Variants in ANO5 observed in about 807,000 individuals in gnomAD.
The protein encoded by ANO5 is anoctamin 5.
Under a neutral mutation model 121.0 loss-of-function variants are expected in ANO5, and 109 were observed. That is an observed-to-expected ratio of 0.90 (90% CI 0.77 to 1.06). The LOEUF (loss-of-function observed/expected upper bound fraction) is 1.06, where lower values mean the gene tolerates loss of function less well. Among genes scored for constraint, ANO5 ranks in the 50% least tolerant of loss-of-function variants. The pLI is 0.00. For synonymous variants in ANO5, 406 were observed against 359.9 expected (o/e 1.13, Z -1.45); for missense variants, 1,064 against 1,078.5 (o/e 0.99, Z 0.19).
intron 12 of ANO5, among the ~76,000 whole-genome samples, chr11:22,251,719 T>C (rs1264164726): frequency 6.6e-6 from 1 of 151,930 alleles, no homozygotes; most frequent in Non-Finnish European, 1.5e-5. Context: ...AACACAAATA[T>C]ATGCCATTCA....
chr11:22,279,704 A>T lies in ANO5; in HGVS notation c.2681A>T (p.Glu894Val). The change falls in exon 22 of 22, where the codon GAA becomes GTA. Residue 894 changes from glutamate (E) to valine (V), a missense_variant. Transcript: ENST00000324559. ...LKENLGINSNEFAKHVMIEEN... is the reference protein window; with the variant it reads ...LKENLGINSNVFAKHVMIEEN... Reference sequence around the variant, plus strand: ...GAGAACTTGGGAATTAATTCTAATGAATTTGCCAAGCATGTCATGATTGAG... The same window carrying T: ...GAGAACTTGGGAATTAATTCTAATGTATTTGCCAAGCATGTCATGATTGAG... 5 of 1,612,890 alleles carry T rather than the reference A, an allele frequency of 3.1e-6. No homozygotes were observed. The highest frequency in any genetic ancestry group is 4.2e-6 in the Non-Finnish European group (5 of 1,179,176).
intron 2 of ANO5, among the ~76,000 whole-genome samples, chr11:22,207,799 A>G (rs1262345338): frequency 1.3e-5 from 2 of 152,064 alleles, no homozygotes; most frequent in African/African-American, 4.8e-5. Context: ...ACTTGTATCT[A>G]TGATTTATAA....
At chr11:22,228,955 C>A (rs1234831452) in intron 7 of ANO5, among the ~76,000 whole-genome samples, 1 of 151,910 alleles carries the variant, frequency 6.6e-6, no homozygotes, top group African/African-American at 2.4e-5. Flanking sequence ...TGGCAGATAT[C>A]TCTTAGACAT....
At position 22,273,104 on chromosome 11, in the gene ANO5, A is replaced by G. The variant is rs1361658014; in HGVS notation, c.2235+115A>G. The G allele has an allele frequency of 4.3e-6, 5 of 1,152,480 alleles. No individual in the cohort carries two copies. In the African/African-American group the frequency reaches 6.1e-5, roughly 14 times the overall value. The allele number at this position is 1,152,480 out of a possible 1,614,324, so 71.4% of individuals were successfully genotyped here. ...CATTATGGTGATACTTTATAAAGCT[A>G]AAACATTCCGAAATTGTTATGCGCT... is the stretch of plus-strand genomic sequence containing the variant. On this transcript the variant is annotated intron_variant, in intron 19 of 21. Coordinates refer to ENST00000324559, the MANE Select transcript of ANO5 (RefSeq NM_213599.3).
At chr11:22,200,453 C>T (rs1851932976) in intron 1 of ANO5, among the ~76,000 whole-genome samples, 1 of 152,166 alleles carries the variant, frequency 6.6e-6, no homozygotes, top group South Asian at 2.1e-4. Flanking sequence ...TTCATGCATT[C>T]TTCCTGTTTC....
rs181679763 is a variant in ANO5, at chr11:22,223,608, C to G, written c.295-2376C>G. On this transcript the variant is annotated intron_variant, in intron 5 of 21. Transcript: ENST00000324559. ...GAGTGGAGGGAACTCTTCAGAAAAGCAAGTCCCAGACACTAGGACCAACCT... is the reference window on the plus strand; with the variant it reads ...GAGTGGAGGGAACTCTTCAGAAAAGGAAGTCCCAGACACTAGGACCAACCT... Among the ~76,000 whole-genome samples the G allele has an allele frequency of 5.6e-4, 85 of 152,074 alleles. 1 individual carries two copies. Among genetic ancestry groups the G allele is most frequent in the Admixed American group, 1.0e-3 (16 of 15,258 alleles).
At chr11:22,252,792 T>G (rs1242284891) in intron 12 of ANO5, among the ~76,000 whole-genome samples, 2 of 152,266 alleles carry the variant, frequency 1.3e-5, no homozygotes, top group East Asian at 1.9e-4. Flanking sequence ...ATTTCAGAAA[T>G]TTAATGATTT....
At chr11:22,242,417 T>G (rs1016764802) in intron 9 of ANO5, among the ~76,000 whole-genome samples, 1 of 152,150 alleles carries the variant, frequency 6.6e-6, no homozygotes, top group Non-Finnish European at 1.5e-5. Flanking sequence ...TAGCTTTTTC[T>G]AATTCTGTGA....
At chr11:22,206,575 A>G (rs943563397) in intron 2 of ANO5, among the ~76,000 whole-genome samples, 21 of 152,084 alleles carry the variant, frequency 1.4e-4, no homozygotes, top group Non-Finnish European at 2.6e-4. Flanking sequence ...TGGCCTCCCT[A>G]GGTGCTGAGA....
At chr11:22,253,114 A>G (rs567703916) in intron 12 of ANO5, among the ~76,000 whole-genome samples, 1 of 152,298 alleles carries the variant, frequency 6.6e-6, no homozygotes, top group East Asian at 1.9e-4. Context: ...CTTCTTAAAA[A>G]TGAAAAAGGT....
In ANO5 at chr11:22,274,760, T is replaced by C. The variant is rs754152187; in HGVS notation, c.2414+13T>C. ...TCATCACTTGCAGGTGATTTGTTTGTTTGTTTGTTTAGGTTTTAGTTTTAT... is the reference window on the plus strand; with the variant it reads ...TCATCACTTGCAGGTGATTTGTTTGCTTGTTTGTTTAGGTTTTAGTTTTAT... On this transcript the variant is annotated intron_variant, in intron 20 of 21. Transcript: ENST00000324559. 9.9e-6 allele frequency: 16 copies of C among 1,612,470 alleles called. No individual in the cohort carries two copies. In the East Asian group the frequency reaches 3.1e-4, roughly 31 times the overall value.
intron 1 of ANO5, among the ~76,000 whole-genome samples, chr11:22,193,773 C>G (rs115681635): frequency 5.9e-5 from 9 of 152,164 alleles, no homozygotes; most frequent in African/African-American, 2.2e-4. Context: ...CAGGGACCTG[C>G]GACCTGTGAC....
intron 13 of ANO5, among the ~76,000 whole-genome samples, chr11:22,256,001 T>C (rs2133724314): frequency 6.6e-6 from 1 of 152,192 alleles, no homozygotes. Context: ...AAGATTGAGG[T>C]CTTATGTTTT....
intron 19 of ANO5, among the ~76,000 whole-genome samples, chr11:22,273,801 T>C (rs955621549): frequency 2.0e-5 from 3 of 152,260 alleles, no homozygotes; most frequent in Middle Eastern, 3.4e-3. Flanking sequence ...TGAGAGACTC[T>C]TGTGTCCTCA....
At chr11:22,214,676 T>A (rs1852383636) in intron 3 of ANO5, among the ~76,000 whole-genome samples, 1 of 151,898 alleles carries the variant, frequency 6.6e-6, no homozygotes, top group Non-Finnish European at 1.5e-5. Flanking sequence ...AATTCAACCT[T>A]AGGAAGGAAA....
chr11:22,269,404 GAAA>G lies in ANO5; in HGVS notation c.1899-903_1899-901del, dbSNP rs374535843. On this transcript the variant is annotated intron_variant, in intron 17 of 21. Transcript: ENST00000324559. ...AAAGAAGAAAGGAAGGAAGGAAGGA[GAAA>G]AAAAGAGAAGGAAAAGAGAAGGGAA... 6.8e-4 allele frequency among the ~76,000 whole-genome samples: 90 copies of G among 131,858 alleles called. 2 individuals carry two copies. The highest frequency in any genetic ancestry group is 2.3e-3 in the African/African-American group (78 of 34,140). The allele number at this position is 131,858 out of a possible 152,430, so 86.5% of individuals were successfully genotyped here.
intron 2 of ANO5, among the ~76,000 whole-genome samples, chr11:22,205,984 C>A (rs1048548427): frequency 6.6e-6 from 1 of 152,050 alleles, no homozygotes; most frequent in Admixed American, 6.6e-5. Flanking sequence ...TTAAATTCCC[C>A]TGAAAGACCT....
intron 4 of ANO5, among the ~76,000 whole-genome samples, chr11:22,220,890 A>G (rs1852620523): frequency 1.3e-5 from 2 of 151,926 alleles, no homozygotes; most frequent in Non-Finnish European, 2.9e-5. Context: ...TTGTATGTGC[A>G]TGTAGTTAAC....
intron 1 of ANO5, among the ~76,000 whole-genome samples, chr11:22,198,260 A>C (rs1851867316): frequency 6.6e-6 from 1 of 152,292 alleles, no homozygotes; most frequent in East Asian, 1.9e-4. Context: ...GCTGCATTCA[A>C]GGTGGTATGG....
Sources: gnomAD v4.1 joint callset for allele counts (sites outside exome capture counted in the v4.1 genomes callset) on GRCh38, gnomAD v4.1.1 for gene constraint, MANE v1.5 for transcripts, NCBI Gene and HGNC (gene_info 2026-07-23, HGNC 2026-07-21) for gene names.